The following SEPTIN10 variants were observed in gnomAD, a reference collection of about 807,000 sequenced individuals.
SEPTIN10 encodes septin-10.
Under a neutral mutation model 54.8 loss-of-function variants are expected in SEPTIN10, and 66 were observed. The observed-to-expected ratio is 1.21, with a 90% CI of 0.99 to 1.48. The LOEUF is 1.48. Among genes scored for constraint, SEPTIN10 ranks in the 40% most tolerant of loss-of-function variants. SEPTIN10 has a pLI of 0.00. For missense variants in SEPTIN10, 620 were observed against 545.6 expected (o/e 1.14, Z -1.36); for synonymous variants, 161 against 181.0 (o/e 0.89, Z 0.89).
intron 1 of SEPTIN10, among the ~76,000 whole-genome samples, chr2:109,612,179 C>T (rs1699397973): frequency 6.6e-6 from 1 of 151,398 alleles, no homozygotes; most frequent in Non-Finnish European, 1.5e-5. Flanking sequence ...CAGAACTTTG[C>T]TGAGTTGAAA....
chr2:109,561,150 C>T (rs1685557507), intron 8 of SEPTIN10, among the ~76,000 whole-genome samples: 1 of 152,150 alleles, frequency 6.6e-6, no homozygotes, highest in African/African-American at 2.4e-5. Flanking sequence ...CTCACGTGAG[C>T]CCAGGCCTGC....
chr2:109,560,130 C>T (rs1217873093), intron 8 of SEPTIN10, among the ~76,000 whole-genome samples: 1 of 152,048 alleles, frequency 6.6e-6, no homozygotes, highest in East Asian at 1.9e-4. Context: ...CCGTGTTAGC[C>T]AGGATAGTCT....
intron 1 of SEPTIN10, chr2:109,594,693 G>T (rs1030631789): frequency 2.6e-5 from 4 of 152,242 alleles, no homozygotes; most frequent in African/African-American, 9.6e-5. Context: ...ACCTCACCGT[G>T]ATCCTCTGTG....
chr2:109,572,501 G>A (rs1350497239), intron 5 of SEPTIN10, among the ~76,000 whole-genome samples: 2 of 152,050 alleles, frequency 1.3e-5, no homozygotes, highest in Non-Finnish European at 1.5e-5. Flanking sequence ...GCTAAGTGGC[G>A]GGGCTGAAGC....
intron 2 of SEPTIN10, among the ~76,000 whole-genome samples, chr2:109,592,799 A>G (rs1249398491): frequency 1.3e-5 from 2 of 152,062 alleles, no homozygotes; most frequent in South Asian, 2.1e-4. Context: ...AAGGAAACGA[A>G]AAAAGAAACA....
At chr2:109,552,366 C>A (rs1683178696) in intron 9 of SEPTIN10, among the ~76,000 whole-genome samples, 1 of 152,124 alleles carries the variant, frequency 6.6e-6, no homozygotes, top group African/African-American at 2.4e-5. Context: ...ACAACCACCC[C>A]AGCAACACTC....
At chr2:109,591,518 T>A (rs1444974880) in intron 2 of SEPTIN10, among the ~76,000 whole-genome samples, 1 of 152,196 alleles carries the variant, frequency 6.6e-6, no homozygotes, top group Non-Finnish European at 1.5e-5. Flanking sequence ...GAATAGACTG[T>A]TAGTACCATT....
intron 5 of SEPTIN10, among the ~76,000 whole-genome samples, chr2:109,572,711 G>T (rs1558782427): frequency 1.3e-5 from 2 of 151,212 alleles, no homozygotes; most frequent in Non-Finnish European, 2.9e-5. Flanking sequence ...CCGCCTCCTG[G>T]GTTCAAGCAA....
rs148621706 is a variant in SEPTIN10 at position 109,609,184 on chromosome 2, A to G, written c.30+4614T>C. On this transcript the variant is annotated intron_variant, in intron 1 of 10. Coordinates refer to ENST00000397712, the MANE Select transcript of SEPTIN10 (RefSeq NM_144710.5). ...TGGGGCTTCATTAGAACATAAGTGT[A>G]GATGAACAAACAGCTCCTGGCTGCC... Among the ~76,000 whole-genome samples, 7 of 152,362 alleles carry G rather than the reference A, an allele frequency of 4.6e-5. No individual in the cohort carries two copies. The East Asian group carries it at 1.2e-3, about 25-fold the overall frequency.
At chr2:109,589,141 GTTTT>G (rs1693345621) in intron 2 of SEPTIN10, among the ~76,000 whole-genome samples, 1 of 151,860 alleles carries the variant, frequency 6.6e-6, no homozygotes, top group African/African-American at 2.4e-5. Flanking sequence ...GGTTTGTTTT[GTTTT>G]TTGTTTTTCT....
At chr2:109,566,553 TTGTG>T (rs1268890662) in intron 6 of SEPTIN10, among the ~76,000 whole-genome samples, 2 of 151,794 alleles carry the variant, frequency 1.3e-5, no homozygotes, top group Non-Finnish European at 2.9e-5. Context: ...TTCCTATTGT[TTGTG>T]TGTGTGTGTA....
At chr2:109,592,796 C>A (rs1466776276) in intron 2 of SEPTIN10, among the ~76,000 whole-genome samples, 1 of 149,898 alleles carries the variant, frequency 6.7e-6, no homozygotes, top group African/African-American at 2.4e-5. Flanking sequence ...AAAAAGGAAA[C>A]GAAAAAAGAA....
intron 4 of SEPTIN10, among the ~76,000 whole-genome samples, chr2:109,575,202 C>G (rs1468999912): frequency 1.3e-5 from 2 of 152,192 alleles, no homozygotes; most frequent in Non-Finnish European, 2.9e-5. Context: ...GCTTCCCACA[C>G]TTGCCAGACT....
intron 4 of SEPTIN10, among the ~76,000 whole-genome samples, chr2:109,575,452 G>A (rs1163600508): frequency 6.6e-6 from 1 of 152,198 alleles, no homozygotes; most frequent in African/African-American, 2.4e-5. Flanking sequence ...ACAAAGGAAA[G>A]GCCAATTACA....
chr2:109,575,289 T>C (rs185100203), intron 4 of SEPTIN10, among the ~76,000 whole-genome samples: 5 of 152,326 alleles, frequency 3.3e-5, no homozygotes, highest in Middle Eastern at 6.8e-3. Context: ...AGAAAATGCA[T>C]AGGCATCAAT....
At chr2:109,609,704 G>A (rs369060503) in intron 1 of SEPTIN10, among the ~76,000 whole-genome samples, 62 of 151,406 alleles carry the variant, frequency 4.1e-4, no homozygotes, top group Non-Finnish European at 8.0e-4. Flanking sequence ...TCTTAGATAC[G>A]AAAATTATCC....
In SEPTIN10 at chr2:109,579,413, C is replaced by T. The variant is rs185567096; in HGVS notation, c.414-4646G>A. Among the ~76,000 whole-genome samples, 70 of 142,672 alleles carry T rather than the reference C, an allele frequency of 4.9e-4. No homozygotes were observed. In the East Asian group the frequency reaches 0.012, roughly 24 times the overall value. The allele number at this position is 142,672 out of a possible 152,430, so 93.6% of individuals were successfully genotyped here. On this transcript the variant is annotated intron_variant, in intron 4 of 10. Transcript: ENST00000397712. The stretch of plus-strand genomic sequence containing the variant: ...TTTTTTTTTTTTTGAGATGGAGTTT[C>T]GCTCTTGTTGACCAGGCTTGAGTGT...
Position 109,561,338 on chromosome 2 carries a change from A to AC in SEPTIN10, c.1028+3027dup, listed in dbSNP as rs199770427. On this transcript the variant is annotated intron_variant, in intron 8 of 10. Transcript: ENST00000397712. ...CCGAATTTTCCAGCTTAAATTTGGA[A>AC]CCCCCCCACCCACACAACCCATTTT... is the stretch of plus-strand genomic sequence containing the variant. Among the ~76,000 whole-genome samples, 786 of 151,030 alleles carry AC rather than the reference A, an allele frequency of 5.2e-3. 5 individuals are homozygous for AC. Among genetic ancestry groups the AC allele is most frequent in the African/African-American group, 0.018 (739 of 41,100 alleles).
intron 8 of SEPTIN10, among the ~76,000 whole-genome samples, chr2:109,562,814 T>G (rs746912522): frequency 6.6e-6 from 1 of 152,106 alleles, no homozygotes; most frequent in Non-Finnish European, 1.5e-5. Context: ...GTGAAGACAA[T>G]ATCATGAGAA....
Sources: allele counts gnomAD v4.1 joint callset (sites outside exome capture counted in the v4.1 genomes callset), GRCh38; gene constraint gnomAD v4.1.1; transcripts MANE v1.5; gene names NCBI Gene and HGNC (gene_info 2026-07-23, HGNC 2026-07-21).